LRP8: variants seen among roughly 807,000 people sequenced by gnomAD.
The protein encoded by LRP8 is LDL receptor related protein 8.
Under a neutral mutation model 111.6 loss-of-function variants are expected in LRP8, and 46 were observed. The ratio of observed to expected loss-of-function variants is 0.41; its 90% CI spans 0.33 to 0.53. The LOEUF (loss-of-function observed/expected upper bound fraction) is 0.53. Among genes scored for constraint, LRP8 ranks in the 20% least tolerant of loss-of-function variants. LRP8 has a pLI of 0.20. For missense variants in LRP8, 959 were observed against 1,297.4 expected (o/e 0.74, Z 4.01); for synonymous variants, 464 against 511.2 (o/e 0.91, Z 1.24).
Position 53,303,161 on chromosome 1 carries a change from C to G in LRP8, c.245-13472G>C, listed in dbSNP as rs953067355. ...TTATTTCTTACCACCACCACTCCCC[C>G]ACTGCTCCAGCTTTCCTACAGGGAC... is the stretch of plus-strand genomic sequence containing the variant. On this transcript the variant is annotated intron_variant, in intron 2 of 18. Coordinates refer to ENST00000306052, the MANE Select transcript of LRP8 (RefSeq NM_004631.5). This position sits in a 1 kb window ranked among gnomAD's most constrained non-coding sequence, Gnocchi z 4.3. Among the ~76,000 whole-genome samples, 1 of 152,234 alleles carries G rather than the reference C, an allele frequency of 6.6e-6. No homozygotes were observed. The highest frequency in any genetic ancestry group is 1.5e-5 in the Non-Finnish European group (1 of 68,048).
rs375601541 is a variant in LRP8 at position 53,271,048 on chromosome 1, G to T, written c.1232C>A (p.Thr411Asn). Residue 411 changes from threonine to asparagine, a missense_variant, in exon 8 of 19, where the codon ACC becomes AAC. Around this residue, in one of 3 missense-constraint regions of LRP8, gnomAD observed 819 missense variants for 1,097.6 expected, o/e 0.75. Transcript: ENST00000306052. ...CATACCAGCAGCCTTGCAGTTCTTG[G>T]TCAGTAGGTCCATCTCGTAGCCAGG... ...CYPGYEMDLLTKNCKAAAGKS... is the reference protein window; with the variant it reads ...CYPGYEMDLLNKNCKAAAGKS... The T allele has an allele frequency of 1.2e-6, 2 of 1,613,990 alleles. No homozygotes were observed. Among genetic ancestry groups the T allele is most frequent in the African/African-American group, 2.7e-5 (2 of 74,962 alleles).
At chr1:53,272,872 C>T (rs773285570) in intron 6 of LRP8, among the ~76,000 whole-genome samples, 1 of 152,242 alleles carries the variant, frequency 6.6e-6, no homozygotes, top group South Asian at 2.1e-4. Context: ...CCCCATCATG[C>T]ATCCACTCGC....
intron 3 of LRP8, among the ~76,000 whole-genome samples, chr1:53,281,205 G>C (rs1036559588): frequency 6.6e-6 from 1 of 152,136 alleles, no homozygotes; most frequent in Non-Finnish European, 1.5e-5. Flanking sequence ...GGCTCCAATC[G>C]GCCCGCCTCT....
chr1:53,258,511 C>T (rs747664344), intron 13 of LRP8, 40 bp from the exon 14 acceptor site: 2 of 1,594,994 alleles, frequency 1.3e-6, no homozygotes, highest in Non-Finnish European at 1.7e-6. Flanking sequence ...ACAGACAGGA[C>T]ATGCCAGGTC....
At chr1:53,256,609 T>C (rs954947928) in intron 15 of LRP8, among the ~76,000 whole-genome samples, 2 of 152,264 alleles carry the variant, frequency 1.3e-5, no homozygotes, top group Non-Finnish European at 2.9e-5. Flanking sequence ...TTTATCCTTT[T>C]AAATGAACTC....
At chr1:53,282,990 G>A (rs1647164004) in intron 3 of LRP8, among the ~76,000 whole-genome samples, 1 of 152,140 alleles carries the variant, frequency 6.6e-6, no homozygotes. Flanking sequence ...CCTAAGTTGT[G>A]TCAGGCTGCT....
chr1:53,256,594 G>A (rs1275587612), intron 15 of LRP8, among the ~76,000 whole-genome samples: 1 of 152,244 alleles, frequency 6.6e-6, no homozygotes, highest in Non-Finnish European at 1.5e-5. Context: ...AAATTAAAAA[G>A]ATAGTTTATC....
In LRP8 at chr1:53,243,960, T is replaced by C. The variant is rs1329563706; in HGVS notation, c.*3058A>G. The C allele has an allele frequency of 2.6e-5, 4 of 152,156 alleles. No homozygotes were observed. The highest frequency in any genetic ancestry group is 4.4e-5 in the Non-Finnish European group (3 of 68,028). The allele number at this position is 152,156 out of a possible 1,614,324, so 9.4% of individuals were successfully genotyped here. The stretch of plus-strand genomic sequence containing the variant: ...TACATCTGCAGTGCCAGGTGTGTAG[T>C]TGGTATCTAGTGAGTGGTTTTAGTG... On this transcript the variant is annotated 3_prime_UTR_variant, in exon 19 of 19. Transcript: ENST00000306052.
rs114746729 is a variant in LRP8, at chr1:53,288,649, T to C, written c.367+918A>G. ...CGTTAGATGGGACTCCGGTCTCCAT[T>C]GTCCCCACCTCTGCCTCTGGGACGA... On this transcript the variant is annotated intron_variant, in intron 3 of 18. Coordinates refer to ENST00000306052, the MANE Select transcript of LRP8 (RefSeq NM_004631.5). Among the ~76,000 whole-genome samples the C allele has an allele frequency of 9.8e-3, 1,495 of 152,172 alleles. 8 individuals are homozygous for C. Among genetic ancestry groups the C allele is most frequent in the Non-Finnish European group, 0.015 (999 of 67,982 alleles).
In LRP8 at chr1:53,328,016, C is replaced by CCCGCCG. The variant is rs528801146; in HGVS notation, c.-110_-105dup. 8,240 of 611,188 alleles carry CCCGCCG rather than the reference C, an allele frequency of 0.013. 150 individuals carry two copies. The highest frequency in any genetic ancestry group is 0.025 in the Admixed American group (389 of 15,346). The allele number at this position is 611,188 out of a possible 1,614,324, so 37.9% of individuals were successfully genotyped here. A position where few individuals can be genotyped will look rare whatever the true frequency, so the allele number is the denominator to read the frequency against. On this transcript the variant is annotated 5_prime_UTR_variant, in exon 1 of 19. Transcript: ENST00000306052. ...CCGCGGCGCCGGGGTTGCCGCTGCC[C>CCCGCCG]CCGCCGCCGCCGCCGCCGCCGCTGC...
rs1310217832 is a variant in LRP8 at position 53,258,386 on chromosome 1, A to G, written c.2142T>C (p.Ser714=). 1 of 1,614,142 alleles carries G rather than the reference A, an allele frequency of 6.2e-7. No homozygotes were observed. The highest frequency in any genetic ancestry group is 2.2e-5 in the East Asian group (1 of 44,874). ...CAGGACAGGCACATGTGTACTTGGG[A>G]GAGTGGCTGGAGATCTGAGGAGCAG... ...CLPAPQISSH[S]PKYTCACPDT... Residue 714 remains serine (S), a synonymous_variant, in exon 14 of 19, where the codon TCT becomes TCC. Transcript: ENST00000306052.
At chr1:53,325,056 C>T (rs1166263937) in intron 2 of LRP8, among the ~76,000 whole-genome samples, 3 of 152,228 alleles carry the variant, frequency 2.0e-5, no homozygotes. Context: ...GCATAACCAG[C>T]CCAGACACGC....
intron 6 of LRP8, chr1:53,274,951 C>T: frequency 2.4e-6 from 1 of 409,806 alleles, no homozygotes; most frequent in South Asian, 1.8e-5. Context: ...TGGCCCAGGA[C>T]AGACAGGTAA....
At position 53,262,052 on chromosome 1, in the gene LRP8, TC is replaced by T; in HGVS notation, c.1914+15del. The T allele has an allele frequency of 6.2e-7, 1 of 1,612,844 alleles. No homozygotes were observed. The highest frequency in any genetic ancestry group is 8.5e-7 in the Non-Finnish European group (1 of 1,179,318). On this transcript the variant is annotated intron_variant, in intron 12 of 18. Coordinates refer to ENST00000306052, the MANE Select transcript of LRP8 (RefSeq NM_004631.5). The surrounding 1 kb of genome is among the most constrained non-coding windows in gnomAD (Gnocchi z 4.8). ...CAGCTTCCTAGTGGGCCCTTGCCTC[TC>T]CTTACAGGACTCACCTCAAACACAG...
chr1:53,308,645 T>C (rs1407933599), intron 2 of LRP8, among the ~76,000 whole-genome samples: 1 of 152,200 alleles, frequency 6.6e-6, no homozygotes, highest in East Asian at 1.9e-4. Flanking sequence ...GCCCGGACCT[T>C]GCCTGCTGAT....
intron 2 of LRP8, among the ~76,000 whole-genome samples, chr1:53,298,400 A>G (rs1288493): frequency 0.7 from 106,745 of 152,118 alleles, 38,573 homozygotes; most frequent in East Asian, 0.92. Context: ...GATCAGCAGG[A>G]GTCCCTGGCT....
At chr1:53,254,989 G>A (rs1646028823) in intron 16 of LRP8, 128 bp downstream of exon 16, 1 of 952,774 alleles carries the variant, frequency 1.0e-6, no homozygotes. Context: ...GGACTGGGAG[G>A]TGGGCAGGAA....
intron 2 of LRP8, among the ~76,000 whole-genome samples, chr1:53,308,834 C>T (rs1475918165): frequency 2.0e-5 from 3 of 152,218 alleles, no homozygotes; most frequent in Admixed American, 1.3e-4. Context: ...CTGGCTAACA[C>T]GTGGACCTTG....
chr1:53,284,873 G>C (rs1210929213), intron 3 of LRP8, among the ~76,000 whole-genome samples: 1 of 152,198 alleles, frequency 6.6e-6, no homozygotes, highest in Non-Finnish European at 1.5e-5. Context: ...AGTGGCAGGA[G>C]ACCAAGGCCC....
Sources: allele counts gnomAD v4.1 joint callset (sites outside exome capture counted in the v4.1 genomes callset), GRCh38; gene constraint gnomAD v4.1.1; regional missense constraint gnomAD v4.1.1; non-coding constraint Gnocchi (gnomAD v3.1); transcripts MANE v1.5; gene names NCBI Gene and HGNC (gene_info 2026-07-23, HGNC 2026-07-21).